TACC2: variants seen among roughly 807,000 people sequenced by gnomAD.
TACC2 encodes the protein transforming acidic coiled-coil containing protein 2.
In TACC2, 137 loss-of-function variants were observed where a neutral mutation model predicts 227.3. The ratio of observed to expected loss-of-function variants is 0.60; its 90% CI spans 0.52 to 0.69. The LOEUF is 0.69. Among genes scored for constraint, TACC2 ranks in the 30% least tolerant of loss-of-function variants. TACC2 has a pLI of 0.00. For synonymous variants in TACC2, 1,523 were observed against 1,487.5 expected, an observed-to-expected ratio of 1.02 and a Z score of -0.55; for missense variants, 3,470 against 3,694.4, an observed-to-expected ratio of 0.94 and a Z score of 1.57.
At chr10:122,046,525 G>A (rs1357329839) in intron 2 of TACC2, among the ~76,000 whole-genome samples, 3 of 151,968 alleles carry the variant, frequency 2.0e-5, no homozygotes, top group Non-Finnish European at 2.9e-5. Context: ...AAAAGAAAGA[G>A]AAGTGGAGCT....
At chr10:122,220,462 G>A (rs990373352) in intron 11 of TACC2, among the ~76,000 whole-genome samples, 1 of 152,064 alleles carries the variant, frequency 6.6e-6, no homozygotes, top group Non-Finnish European at 1.5e-5. Flanking sequence ...AGGAGGTGTG[G>A]GCCCCACTGC....
intron 6 of TACC2, among the ~76,000 whole-genome samples, chr10:122,138,971 A>G (rs1335222281): frequency 2.6e-5 from 4 of 152,202 alleles, no homozygotes; most frequent in Non-Finnish European, 4.4e-5. Flanking sequence ...TCTGTAAACC[A>G]GGACTCATCC....
At chr10:122,059,837 G>T (rs79904737) in intron 3 of TACC2, among the ~76,000 whole-genome samples, 21 of 151,986 alleles carry the variant, frequency 1.4e-4, no homozygotes, top group African/African-American at 4.3e-4. Context: ...TCAAAGTGGG[G>T]TTCTGGCCCA....
chr10:122,115,446 G>A (rs2084509910), intron 5 of TACC2, among the ~76,000 whole-genome samples: 3 of 152,174 alleles, frequency 2.0e-5, no homozygotes, highest in Non-Finnish European at 4.4e-5. Flanking sequence ...ACTGCTATTA[G>A]GAGGATATTT....
chr10:122,206,260 C>T (rs549803870), intron 8 of TACC2, among the ~76,000 whole-genome samples: 2 of 152,306 alleles, frequency 1.3e-5, no homozygotes, highest in South Asian at 4.1e-4. Context: ...TCCTGGGAGC[C>T]CCCTGTCATC....
intron 3 of TACC2, chr10:122,051,632 T>C: frequency 6.6e-6 from 1 of 152,116 alleles, no homozygotes; most frequent in East Asian, 1.9e-4. Context: ...ATGACAGGCC[T>C]TAAGGGAAGC....
intron 15 of TACC2, 123 bp downstream of exon 15, chr10:122,229,609 A>G (rs1302846645): frequency 4.5e-6 from 5 of 1,100,130 alleles, no homozygotes; most frequent in Admixed American, 2.1e-5. Context: ...TCCCAGTGAC[A>G]TATCTTCCCC....
At chr10:122,135,981 C>T (rs1425808658) in intron 6 of TACC2, among the ~76,000 whole-genome samples, 3 of 152,164 alleles carry the variant, frequency 2.0e-5, no homozygotes, top group Non-Finnish European at 4.4e-5. Context: ...AAAAGTTGTG[C>T]TTTAGAGAAG....
intron 1 of TACC2, among the ~76,000 whole-genome samples, chr10:122,017,244 G>A (rs1956769251): frequency 1.3e-5 from 2 of 152,152 alleles, no homozygotes; most frequent in Admixed American, 6.5e-5. Flanking sequence ...GTGGTTTCTG[G>A]AAAGTGGTTT....
Position 122,085,024 on chromosome 10 carries a change from T to C in TACC2, c.2524T>C (p.Phe842Leu). Residue 842 changes from phenylalanine (F) to leucine (L), a missense_variant, in exon 4 of 23, where the codon TTT becomes CTT. Phe to Leu is a conservative substitution (Grantham distance 22). Transcript: ENST00000369005. ...PSQAQPETSIFDVLKEQAQPP... is the reference protein window; with the variant it reads ...PSQAQPETSILDVLKEQAQPP... ...CCAGGCACAACCAGAGACATCCATC[T>C]TTGACGTGCTCAAGGAGCAGGCCCA... 1 of 1,614,164 alleles carries C rather than the reference T, an allele frequency of 6.2e-7. No homozygotes were observed. Among genetic ancestry groups the C allele is most frequent in the Non-Finnish European group, 8.5e-7 (1 of 1,180,024 alleles).
At chr10:122,192,475 A>T (rs1414642610) in intron 7 of TACC2, 1 of 337,986 alleles carries the variant, frequency 3.0e-6, no homozygotes, top group East Asian at 7.6e-5. Flanking sequence ...AAGCCAGGGG[A>T]TGGACGAGTA....
intron 7 of TACC2, among the ~76,000 whole-genome samples, chr10:122,144,895 TCCA>T (rs2091165354): frequency 2.0e-5 from 3 of 152,248 alleles, no homozygotes; most frequent in Admixed American, 2.0e-4. Context: ...CCCTCTTGGA[TCCA>T]CCGCAGTGCC....
At chr10:122,241,573 A>G in intron 18 of TACC2, 1 of 230,798 alleles carries the variant, frequency 4.3e-6, no homozygotes, top group South Asian at 8.1e-5. Flanking sequence ...CTACAGGTGC[A>G]CACCACTATG....
chr10:122,175,257 G>A (rs11200451), intron 7 of TACC2, among the ~76,000 whole-genome samples: 14,662 of 152,254 alleles, frequency 0.096, 804 homozygotes, highest in Middle Eastern at 0.15. Context: ...ACCTGGCCTG[G>A]CTTTGTATTT....
intron 19 of TACC2, among the ~76,000 whole-genome samples, chr10:122,242,764 A>T (rs576081185): frequency 6.6e-5 from 10 of 152,132 alleles, no homozygotes; most frequent in East Asian, 1.9e-4. Context: ...GGATTTTTTT[A>T]AAATTAATTA....
chr10:122,049,844 A>G (rs1267678536), intron 2 of TACC2, among the ~76,000 whole-genome samples: 1 of 152,044 alleles, frequency 6.6e-6, no homozygotes, highest in African/African-American at 2.4e-5. Context: ...AATATGGTTT[A>G]TAAAAACAAC....
At chr10:122,249,862 TC>T (rs2096217159) in intron 22 of TACC2, among the ~76,000 whole-genome samples, 198 bp downstream of exon 22, 1 of 152,356 alleles carries the variant, frequency 6.6e-6, no homozygotes. Flanking sequence ...TTTCCACCGT[TC>T]CTGGAACTGC....
At position 122,237,476 on chromosome 10, in the gene TACC2, C is replaced by A. The variant is rs766663899; in HGVS notation, c.8209C>A (p.Pro2737Thr). 2 of 1,614,044 alleles carry A rather than the reference C, an allele frequency of 1.2e-6. No homozygotes were observed. Among genetic ancestry groups the A allele is most frequent in the South Asian group, 1.1e-5 (1 of 91,086 alleles). ...SRIGTAEVEK[P>T]AGLLFQQPDL... ...CATCGGGACCGCTGAGGTGGAGAAACCTGCAGGCCTTCTGTTCCAGCAGCC... is the reference window on the plus strand; with the variant it reads ...CATCGGGACCGCTGAGGTGGAGAAAACTGCAGGCCTTCTGTTCCAGCAGCC... Residue 2737 changes from proline to threonine, a missense_variant, in exon 17 of 23, where the codon CCT (proline) becomes ACT (threonine). Coordinates refer to ENST00000369005, the MANE Select transcript of TACC2 (RefSeq NM_206862.4).
chr10:122,073,967 A>C (rs1206481460), intron 3 of TACC2, among the ~76,000 whole-genome samples: 1 of 151,660 alleles, frequency 6.6e-6, no homozygotes, highest in Non-Finnish European at 1.5e-5. Context: ...TGTTTTATAG[A>C]GACAGGGTTT....
Sources: gnomAD v4.1 joint callset for allele counts (sites outside exome capture counted in the v4.1 genomes callset) on GRCh38, gnomAD v4.1.1 for gene constraint, MANE v1.5 for transcripts, NCBI Gene and HGNC (gene_info 2026-07-23, HGNC 2026-07-21) for gene names.